JHY: variants seen among roughly 807,000 people sequenced by gnomAD.
JHY encodes the protein junctional cadherin complex regulator.
JHY carries 69 observed loss-of-function variants against 78.0 expected under a neutral mutation model. The observed-to-expected ratio is 0.88, with a 90% CI of 0.73 to 1.08. The LOEUF is 1.08. Among genes scored for constraint, JHY ranks in the 50% least tolerant of loss-of-function variants. The pLI is 0.00. For missense variants in JHY, 944 were observed against 927.8 expected, an observed-to-expected ratio of 1.02 and a Z score of -0.23; for synonymous variants, 368 against 342.6, an observed-to-expected ratio of 1.07 and a Z score of -0.82.
intron 3 of JHY, among the ~76,000 whole-genome samples, chr11:122,913,510 A>G (rs943469341): frequency 1.3e-5 from 2 of 151,914 alleles, no homozygotes; most frequent in Admixed American, 6.6e-5. Flanking sequence ...TCCTTCATCA[A>G]TCCCTACTTG....
Position 122,962,021 on chromosome 11 carries a change from TCAAATGTGTGTTTTCACACA to T in JHY, c.*2579_*2598del, listed in dbSNP as rs1453121250. 6.6e-6 allele frequency among the ~76,000 whole-genome samples: 1 copy of T among 151,742 alleles called. No individual in the cohort carries two copies. The highest frequency in any genetic ancestry group is 1.5e-5 in the Non-Finnish European group (1 of 67,878). ...CCATCACAAATATCTTAAAATATTG[TCAAATGTGTGTTTTCACACA>T]CACAAAAATAGATAAGACAAAAGCA... On this transcript the variant is annotated 3_prime_UTR_variant, in exon 9 of 9. Transcript: ENST00000227349.
chr11:122,921,005 C>T (rs954580330), intron 3 of JHY, among the ~76,000 whole-genome samples: 7 of 150,910 alleles, frequency 4.6e-5, no homozygotes, highest in African/African-American at 1.5e-4. Flanking sequence ...ATCATTTTCT[C>T]GATTTGATTG....
chr11:122,887,349 A>C (rs527812452), intron 2 of JHY, among the ~76,000 whole-genome samples: 10 of 152,280 alleles, frequency 6.6e-5, no homozygotes, highest in Admixed American at 5.9e-4. Context: ...ACGGGGGAGG[A>C]GTCTCGCTCT....
At chr11:122,905,098 TATG>T in intron 3 of JHY, 1 of 1,063,464 alleles carries the variant, frequency 9.4e-7, no homozygotes, top group Non-Finnish European at 1.5e-6. Context: ...GTGTAAATGA[TATG>T]ATATGATTAA....
At chr11:122,899,297 A>G (rs1862796457) in intron 2 of JHY, among the ~76,000 whole-genome samples, 1 of 152,252 alleles carries the variant, frequency 6.6e-6, no homozygotes, top group Admixed American at 6.5e-5. Context: ...TCATCACAGC[A>G]TAAATATGGG....
intron 2 of JHY, among the ~76,000 whole-genome samples, chr11:122,901,829 C>A (rs902602025): frequency 6.6e-6 from 1 of 151,240 alleles, no homozygotes; most frequent in Non-Finnish European, 1.5e-5. Flanking sequence ...ACCAAGATAG[C>A]GCCACTGCAC....
chr11:122,916,937 T>C (rs992239953), intron 3 of JHY, among the ~76,000 whole-genome samples: 18 of 152,242 alleles, frequency 1.2e-4, no homozygotes, highest in Admixed American at 3.3e-4. Context: ...CCATAATCGC[T>C]AGGTTTTTGT....
At chr11:122,922,809 CAAAAA>C (rs571482464) in intron 3 of JHY, among the ~76,000 whole-genome samples, 4,457 of 43,472 alleles carry the variant, frequency 0.1, 64 homozygotes, top group African/African-American at 0.12. Context: ...GACTCCGTCT[CAAAAA>C]AAAAAAAAAA....
chr11:122,894,263 C>T (rs913922526), intron 2 of JHY, among the ~76,000 whole-genome samples: 10 of 151,848 alleles, frequency 6.6e-5, no homozygotes, highest in African/African-American at 2.2e-4. Context: ...GCCAAGATCA[C>T]GCCGTTGCAC....
chr11:122,905,527 T>G (rs533859486), intron 3 of JHY: 290 of 1,112,574 alleles, frequency 2.6e-4, no homozygotes, highest in Non-Finnish European at 3.1e-4. Context: ...ATAGATGAGG[T>G]GGATGAACAT....
chr11:122,904,746 T>C (rs2135309051), intron 3 of JHY, among the ~76,000 whole-genome samples: 1 of 152,368 alleles, frequency 6.6e-6, no homozygotes, highest in Admixed American at 6.5e-5. Context: ...CATTGTTATG[T>C]CAGTTATTAT....
Position 122,960,878 on chromosome 11 carries a change from C to G in JHY, c.*1433C>G, listed in dbSNP as rs1314142696. 4 of 681,490 alleles carry G rather than the reference C, an allele frequency of 5.9e-6. No individual in the cohort carries two copies. The highest frequency in any genetic ancestry group is 1.1e-5 in the Non-Finnish European group (4 of 350,998). 42.2% of individuals were successfully genotyped at this position (681,490 alleles called of 1,614,324 possible). Reference sequence around the variant, plus strand: ...TTGCTATGGCTGTGGAGGTTACTTACTGGGAATGACTGCATAGAGTGTATA... The same window carrying G: ...TTGCTATGGCTGTGGAGGTTACTTAGTGGGAATGACTGCATAGAGTGTATA... On this transcript the variant is annotated 3_prime_UTR_variant, in exon 9 of 9. Transcript: ENST00000227349.
intron 5 of JHY, among the ~76,000 whole-genome samples, chr11:122,943,849 C>T (rs905925468): frequency 1.3e-5 from 2 of 152,096 alleles, no homozygotes; most frequent in African/African-American, 4.8e-5. Flanking sequence ...AAGTGAGTCT[C>T]TTTTAAGTAG....
chr11:122,959,034 A>C, intron 8 of JHY: 1 of 980,836 alleles, frequency 1.0e-6, no homozygotes, highest in South Asian at 4.7e-5. Context: ...TTATTCTTCA[A>C]CTCCTTTTTT....
chr11:122,956,315 T>C (rs1864188817), intron 6 of JHY, among the ~76,000 whole-genome samples, 181 bp from the exon 7 acceptor site: 1 of 152,192 alleles, frequency 6.6e-6, no homozygotes, highest in Non-Finnish European at 1.5e-5. Flanking sequence ...AAAGAGACTA[T>C]TACCAATAAC....
intron 3 of JHY, among the ~76,000 whole-genome samples, chr11:122,906,147 G>A (rs1465431968): frequency 6.6e-6 from 1 of 151,932 alleles, no homozygotes; most frequent in Admixed American, 6.6e-5. Flanking sequence ...TTGCTTGATT[G>A]CTCATTTAAA....
At chr11:122,956,292 G>C (rs1864188172) in intron 6 of JHY, among the ~76,000 whole-genome samples, 1 of 152,162 alleles carries the variant, frequency 6.6e-6, no homozygotes. Flanking sequence ...TAGCTAACCA[G>C]CTACGAATTA....
chr11:122,888,775 T>G (rs573512529), intron 2 of JHY, among the ~76,000 whole-genome samples: 62 of 152,320 alleles, frequency 4.1e-4, no homozygotes, highest in South Asian at 1.2e-3. Context: ...ATTCATTTAT[T>G]TCATAGGTGA....
chr11:122,886,088 C>A lies in JHY; in HGVS notation c.239C>A (p.Pro80His). ...GACAGCTTAGACGAGGAGGAAAGCCCTCGATGGGGAAGCCTGCACGAGATG... is the reference window on the plus strand; with the variant it reads ...GACAGCTTAGACGAGGAGGAAAGCCATCGATGGGGAAGCCTGCACGAGATG... ...EPDSLDEEES[P>H]RWGSLHEMEE... The change falls in exon 2 of 9, where the codon CCT (proline) becomes CAT (histidine). Residue 80 changes from proline (P) to histidine (H), a missense_variant. Coordinates refer to ENST00000227349, the MANE Select transcript of JHY (RefSeq NM_024806.4). The A allele has an allele frequency of 6.2e-7, 1 of 1,614,108 alleles. No individual in the cohort carries two copies. The highest frequency in any genetic ancestry group is 8.5e-7 in the Non-Finnish European group (1 of 1,180,032).
Sources: gnomAD v4.1 joint callset for allele counts (sites outside exome capture counted in the v4.1 genomes callset) on GRCh38, gnomAD v4.1.1 for gene constraint, MANE v1.5 for transcripts, NCBI Gene and HGNC (gene_info 2026-07-23, HGNC 2026-07-21) for gene names.